Variants in CLINT1 observed in about 807,000 individuals in gnomAD.
CLINT1 encodes clathrin interactor 1, also known as clathrin interacting protein localized in the trans-Golgi region.
A neutral mutation model predicts 70.4 loss-of-function variants in CLINT1; 15 were observed. That is an observed-to-expected ratio of 0.21 (90% CI 0.14 to 0.33). CLINT1 has a LOEUF of 0.33. CLINT1 is among the 10% of genes least tolerant of loss of function. The probability of loss-of-function intolerance (pLI) is 1.00; values close to 1 mark genes in which losing one functional copy is unlikely to be tolerated. For missense variants in CLINT1, 615 were observed against 778.1 expected (o/e 0.79, Z 2.49); for synonymous variants, 227 against 254.7 (o/e 0.89, Z 1.04).
chr5:157,809,808 A>T lies in CLINT1; in HGVS notation c.518-3T>A. 3.1e-6 allele frequency: 5 copies of T among 1,606,728 alleles called. No individual in the cohort carries two copies. Among genetic ancestry groups the T allele is most frequent in the Non-Finnish European group, 4.2e-6 (5 of 1,177,562 alleles). ...GGGCTCAGGATCATATCTTTCACCT[A>T]GATAGAGCATTAAAAAAAGAAGCAA... On this transcript the variant is annotated splice_polypyrimidine_tract_variant and splice_region_variant and intron_variant, in intron 5 of 11. Coordinates refer to ENST00000411809, the MANE Select transcript of CLINT1 (RefSeq NM_014666.4).
intron 1 of CLINT1, among the ~76,000 whole-genome samples, chr5:157,854,573 T>C (rs1268955684): frequency 1.3e-5 from 2 of 152,150 alleles, no homozygotes; most frequent in East Asian, 3.9e-4. Flanking sequence ...ACTAATCCAA[T>C]AAATAACAAA....
At chr5:157,855,807 C>T (rs938378078) in intron 1 of CLINT1, among the ~76,000 whole-genome samples, 12 of 152,202 alleles carry the variant, frequency 7.9e-5, no homozygotes, top group African/African-American at 2.9e-4. Context: ...TGGTGGCAGG[C>T]ACCTGTAATT....
chr5:157,857,076 T>A (rs1753781186), intron 1 of CLINT1, among the ~76,000 whole-genome samples: 1 of 152,106 alleles, frequency 6.6e-6, no homozygotes, highest in Non-Finnish European at 1.5e-5. Context: ...TCTTCTGACC[T>A]CTGACTGAGA....
At chr5:157,828,759 A>G (rs923720882) in intron 1 of CLINT1, among the ~76,000 whole-genome samples, 1 of 151,910 alleles carries the variant, frequency 6.6e-6, no homozygotes, top group African/African-American at 2.4e-5. Flanking sequence ...CTGACTCAGC[A>G]GTCTGTATTC....
intron 1 of CLINT1, among the ~76,000 whole-genome samples, chr5:157,821,996 C>T (rs984655892): frequency 4.6e-5 from 7 of 152,218 alleles, no homozygotes; most frequent in Non-Finnish European, 1.0e-4. Context: ...CTCACTAGAT[C>T]TTTAGTGCCA....
intron 1 of CLINT1, among the ~76,000 whole-genome samples, chr5:157,858,422 G>C (rs1249116286): frequency 6.6e-6 from 1 of 152,154 alleles, no homozygotes; most frequent in Non-Finnish European, 1.5e-5. Flanking sequence ...CAACACTTCA[G>C]GTTCATTAGG....
chr5:157,839,548 G>A (rs888072595), intron 1 of CLINT1, among the ~76,000 whole-genome samples: 11 of 151,392 alleles, frequency 7.3e-5, no homozygotes, highest in Admixed American at 6.6e-5. Flanking sequence ...GTTGCAGTGA[G>A]CCGAGATTGT....
chr5:157,856,603 T>C (rs1336015379), intron 1 of CLINT1, among the ~76,000 whole-genome samples: 2 of 152,216 alleles, frequency 1.3e-5, no homozygotes, highest in African/African-American at 4.8e-5. Flanking sequence ...GTCTAACAGA[T>C]CCACGGTTCT....
Position 157,787,647 on chromosome 5 carries a change from T to C in CLINT1, c.1877A>G (p.Ter626=). Residue 626 remains the stop codon, a stop_retained_variant, in exon 12 of 12, where the codon TAA becomes TGA. Transcript: ENST00000411809. ...TCAATCTGCTTCTTTTACAATCTCTTATTTGCTAAAATTGGCGAAATTTGC... is the reference window on the plus strand; with the variant it reads ...TCAATCTGCTTCTTTTACAATCTCTCATTTGCTAAAATTGGCGAAATTTGC... ...AFANFANFSK[*] 1 of 1,612,816 alleles carries C rather than the reference T, an allele frequency of 6.2e-7. No individual in the cohort carries two copies.
At chr5:157,806,616 T>TA (rs887385945) in intron 6 of CLINT1, among the ~76,000 whole-genome samples, 10 of 152,146 alleles carry the variant, frequency 6.6e-5, no homozygotes, top group African/African-American at 2.4e-4. Context: ...CAATGGATGC[T>TA]AAAAAAATCA....
chr5:157,796,441 G>T (rs1762070037), intron 8 of CLINT1, among the ~76,000 whole-genome samples: 1 of 151,806 alleles, frequency 6.6e-6, no homozygotes, highest in South Asian at 2.1e-4. Flanking sequence ...CCTTATTTTT[G>T]TCTGTCCTTA....
At chr5:157,848,961 C>T (rs969193407) in intron 1 of CLINT1, among the ~76,000 whole-genome samples, 4 of 152,128 alleles carry the variant, frequency 2.6e-5, no homozygotes, top group Non-Finnish European at 4.4e-5. Flanking sequence ...TGTGCCTGGC[C>T]GAATTTTTGT....
intron 9 of CLINT1, among the ~76,000 whole-genome samples, chr5:157,794,093 G>A (rs1761998716): frequency 2.0e-5 from 3 of 151,902 alleles, no homozygotes; most frequent in African/African-American, 7.3e-5. Context: ...ACTTAATACT[G>A]AATGTAGCCC....
intron 1 of CLINT1, among the ~76,000 whole-genome samples, chr5:157,847,589 A>C (rs1581544249): frequency 6.6e-6 from 1 of 152,156 alleles, no homozygotes; most frequent in African/African-American, 2.4e-5. Context: ...AACCTCATGG[A>C]TCACTTTGAG....
chr5:157,814,367 A>T, intron 3 of CLINT1, 74 bp from the exon 4 acceptor site: 1 of 983,256 alleles, frequency 1.0e-6, no homozygotes, highest in South Asian at 1.5e-5. Flanking sequence ...GTTAAAAAAA[A>T]TAATTCTAAC....
intron 3 of CLINT1, among the ~76,000 whole-genome samples, chr5:157,815,960 G>A (rs1762711251): frequency 6.6e-6 from 1 of 152,034 alleles, no homozygotes; most frequent in Non-Finnish European, 1.5e-5. Flanking sequence ...TGGTATATAC[G>A]ACTTTTAAAA....
At chr5:157,858,349 T>C (rs778519643) in intron 1 of CLINT1, among the ~76,000 whole-genome samples, 2 of 152,094 alleles carry the variant, frequency 1.3e-5, no homozygotes, top group Non-Finnish European at 2.9e-5. Context: ...AAAGGATGAG[T>C]GTCTTCTTGA....
rs1761762804 is a variant in CLINT1 at position 157,787,565 on chromosome 5, G to C, written c.*81C>G. 9.0e-7 allele frequency: 1 copy of C among 1,111,124 alleles called. No individual in the cohort carries two copies. The highest frequency in any genetic ancestry group is 1.6e-5 in the African/African-American group (1 of 64,214). 68.8% of individuals were successfully genotyped at this position (1,111,124 alleles called of 1,614,324 possible). A position where few individuals can be genotyped will look rare whatever the true frequency, so the allele number is the denominator to read the frequency against. ...TAATTACTTGATAAAAGAAAGGGTA[G>C]TTGATTAGCATTTTCCATCCCAACA... On this transcript the variant is annotated 3_prime_UTR_variant, in exon 12 of 12. Coordinates refer to ENST00000411809, the MANE Select transcript of CLINT1 (RefSeq NM_014666.4).
At chr5:157,789,698 C>A in intron 10 of CLINT1, 185 bp from the exon 11 acceptor site, 1 of 728,930 alleles carries the variant, frequency 1.4e-6, no homozygotes. Context: ...GTCTTCAATA[C>A]CCTGAATCAT....
Sources: allele counts gnomAD v4.1 joint callset (sites outside exome capture counted in the v4.1 genomes callset), GRCh38; gene constraint gnomAD v4.1.1; transcripts MANE v1.5; gene names NCBI Gene and HGNC (gene_info 2026-07-23, HGNC 2026-07-21).